The following VPS13D variants were observed in gnomAD, a reference collection of about 807,000 sequenced individuals.
VPS13D encodes vacuolar protein sorting 13 homolog D, also known as intermembrane lipid transfer protein VPS13D.
In VPS13D, 187 loss-of-function variants were observed where a neutral mutation model predicts 461.9. The observed-to-expected ratio is 0.40, with a 90% CI of 0.36 to 0.46. The LOEUF is 0.46. Among genes scored for constraint, VPS13D ranks in the 20% least tolerant of loss-of-function variants. The pLI is 0.60. For synonymous variants in VPS13D, 1,951 were observed against 1,986.3 expected, an observed-to-expected ratio of 0.98 and a Z score of 0.47; for missense variants, 4,711 against 5,364.9, an observed-to-expected ratio of 0.88 and a Z score of 3.81.
intron 52 of VPS13D, among the ~76,000 whole-genome samples, chr1:12,366,608 T>C (rs976006782): frequency 1.3e-5 from 2 of 152,160 alleles, no homozygotes; most frequent in African/African-American, 4.8e-5. Flanking sequence ...GGAGGATGAT[T>C]TGTGTAATTT....
In VPS13D at chr1:12,363,253, T is replaced by G; in HGVS notation, c.10448+6T>G. Reference sequence around the variant, plus strand: ...TCCTTCCATATCAACATGAGGTAAGTTTGAGACTCTAAATATAGACAAAAA... The same window carrying G: ...TCCTTCCATATCAACATGAGGTAAGGTTGAGACTCTAAATATAGACAAAAA... On this transcript the variant is annotated splice_donor_region_variant and intron_variant, in intron 52 of 69. Transcript: ENST00000620676. 1.2e-6 allele frequency: 2 copies of G among 1,613,894 alleles called. No individual in the cohort carries two copies. Among genetic ancestry groups the G allele is most frequent in the Middle Eastern group, 3.3e-4 (2 of 6,062 alleles).
chr1:12,426,646 C>T (rs1644927268), intron 65 of VPS13D, among the ~76,000 whole-genome samples: 1 of 152,096 alleles, frequency 6.6e-6, no homozygotes, highest in Admixed American at 6.6e-5. Flanking sequence ...CTTTCAGATG[C>T]TTAGTGACAC....
intron 65 of VPS13D, among the ~76,000 whole-genome samples, chr1:12,438,447 T>C (rs11121908): frequency 0.045 from 6,893 of 152,310 alleles, 291 homozygotes; most frequent in Admixed American, 0.12. Context: ...TTCTGCTGTT[T>C]GTAAGCCACT....
At chr1:12,343,077 T>A in intron 42 of VPS13D, 26 bp downstream of exon 42, 2 of 1,560,682 alleles carry the variant, frequency 1.3e-6, no homozygotes, top group Non-Finnish European at 8.7e-7. Flanking sequence ...TTCTTTTCTT[T>A]AAAAAAAAGA....
intron 68 of VPS13D, 112 bp downstream of exon 68, chr1:12,497,743 A>G: frequency 1.5e-6 from 2 of 1,309,618 alleles, no homozygotes; most frequent in Non-Finnish European, 2.0e-6. Context: ...TGGACCTTAG[A>G]TCTGGTCAAA....
intron 65 of VPS13D, among the ~76,000 whole-genome samples, chr1:12,438,625 C>T (rs941041045): frequency 3.3e-5 from 5 of 152,064 alleles, no homozygotes; most frequent in African/African-American, 4.8e-5. Context: ...CAGCCCTTGC[C>T]GACCACATGA....
intron 2 of VPS13D, among the ~76,000 whole-genome samples, chr1:12,238,739 G>A (rs752499538): frequency 8.6e-5 from 13 of 151,416 alleles, no homozygotes; most frequent in East Asian, 1.9e-4. Flanking sequence ...ATCCTGAAGC[G>A]ATCCTCCTGC....
At position 12,425,208 on chromosome 1, in the gene VPS13D, A is replaced by G. The variant is rs17038022; in HGVS notation, c.12333+8381A>G. Among the ~76,000 whole-genome samples the G allele has an allele frequency of 1.3e-3, 199 of 152,256 alleles. 5 individuals are homozygous for G. In the East Asian group the frequency reaches 0.024, roughly 18 times the overall value. ...TGTCTCCATCTTGAAGAAAAGCTGA[A>G]TCAAAGTTTATTCTTAGGAGAAAGA... is the stretch of plus-strand genomic sequence containing the variant. On this transcript the variant is annotated intron_variant, in intron 65 of 69. Transcript: ENST00000620676.
rs1298317957 is a variant in VPS13D, at chr1:12,363,151, A to G, written c.10352A>G (p.Asp3451Gly). The change falls in exon 52 of 70, where the codon GAT becomes GGT. Residue 3451 changes from aspartate (D) to glycine (G), a missense_variant. Around this residue, in one of 3 missense-constraint regions of VPS13D, gnomAD observed 4,411 missense variants for 4,937.8 expected, o/e 0.89. Transcript: ENST00000620676. ...TTCCACTGGCCTCGGAATGACTATG[A>G]TCAGCTATTGTGTGTCAGACTGATG... is the stretch of plus-strand genomic sequence containing the variant. ...VVFHWPRNDY[D>G]QLLCVRLMDV... 2 of 1,614,066 alleles carry G rather than the reference A, an allele frequency of 1.2e-6. No individual in the cohort carries two copies. The highest frequency in any genetic ancestry group is 1.3e-5 in the African/African-American group (1 of 74,902).
rs1641662608 is a variant in VPS13D at position 12,277,876 on chromosome 1, A to G, written c.4288A>G (p.Lys1430Glu). Reference protein sequence around the residue: ...DRLQVEIKDIKLYSLNCTQLA... With the variant: ...DRLQVEIKDIELYSLNCTQLA... ...TCTGCAGGTGGAAATCAAGGACATTAAACTGTATTCTTTGAATTGCACCCA... is the reference window on the plus strand; with the variant it reads ...TCTGCAGGTGGAAATCAAGGACATTGAACTGTATTCTTTGAATTGCACCCA... The change falls in exon 19 of 70, where the codon AAA (lysine) becomes GAA (glutamate). Residue 1430 changes from lysine (K) to glutamate (E), a missense_variant. Physicochemically the swap from Lys to Glu is moderately conservative, Grantham distance 56 (BLOSUM62 1). Transcript: ENST00000620676. The G allele has an allele frequency of 6.2e-7, 1 of 1,614,200 alleles. No individual in the cohort carries two copies. Among genetic ancestry groups the G allele is most frequent in the East Asian group, 2.2e-5 (1 of 44,876 alleles).
At chr1:12,275,593 C>T (rs754914028) in intron 18 of VPS13D, among the ~76,000 whole-genome samples, 2 of 152,096 alleles carry the variant, frequency 1.3e-5, no homozygotes, top group African/African-American at 4.8e-5. Context: ...GTCAGGGGGC[C>T]TCCAGCTTTT....
At chr1:12,416,976 G>A (rs2100238073) in intron 65 of VPS13D, 149 bp downstream of exon 65, 2 of 798,224 alleles carry the variant, frequency 2.5e-6, no homozygotes, top group Non-Finnish European at 3.7e-6. Context: ...CTCACCTCCA[G>A]TCACCTGCCA....
intron 16 of VPS13D, among the ~76,000 whole-genome samples, chr1:12,270,598 C>T (rs1275924056): frequency 6.6e-6 from 1 of 152,038 alleles, no homozygotes; most frequent in African/African-American, 2.4e-5. Context: ...AACTTAGGTA[C>T]ACTTCTCTCA....
chr1:12,250,566 G>A (rs572377375), intron 6 of VPS13D, among the ~76,000 whole-genome samples: 5 of 131,888 alleles, frequency 3.8e-5, no homozygotes, highest in South Asian at 2.4e-4. Flanking sequence ...ATTCCCTAAC[G>A]TTACTGAATG....
At position 12,507,710 on chromosome 1, in the gene VPS13D, A is replaced by G. The variant is rs1474831066; in HGVS notation, c.13035+617A>G. 6.6e-6 allele frequency among the ~76,000 whole-genome samples: 1 copy of G among 152,002 alleles called. No homozygotes were observed. The highest frequency in any genetic ancestry group is 1.5e-5 in the Non-Finnish European group (1 of 67,984). Reference sequence around the variant, plus strand: ...ACTGTGTTGCTGTCATCCCCTCCTCACTATTGGTCATAGCAGGTGATTCAT... The same window carrying G: ...ACTGTGTTGCTGTCATCCCCTCCTCGCTATTGGTCATAGCAGGTGATTCAT... On this transcript the variant is annotated intron_variant, in intron 69 of 69. Transcript: ENST00000620676. The surrounding 1 kb of genome is among the most constrained non-coding windows in gnomAD (Gnocchi z 5.3).
At chr1:12,373,025 GA>G (rs1433564983) in intron 54 of VPS13D, among the ~76,000 whole-genome samples, 2 of 149,242 alleles carry the variant, frequency 1.3e-5, no homozygotes, top group Non-Finnish European at 3.0e-5. Flanking sequence ...AAGACTTGGG[GA>G]TGCAGTGATG....
chr1:12,432,462 C>T (rs1645004636), intron 65 of VPS13D, among the ~76,000 whole-genome samples: 1 of 151,750 alleles, frequency 6.6e-6, no homozygotes. Context: ...ACAGAAGTGG[C>T]TGTTTGCTGT....
At chr1:12,329,706 T>C (rs987286368) in intron 36 of VPS13D, 123 bp from the exon 37 acceptor site, 2 of 659,456 alleles carry the variant, frequency 3.0e-6, no homozygotes, top group Admixed American at 2.8e-5. Flanking sequence ...ATGAACAAAG[T>C]ATCAGAATGT....
chr1:12,260,803 T>C lies in VPS13D; in HGVS notation c.1212+9T>C. 1 of 1,613,710 alleles carries C rather than the reference T, an allele frequency of 6.2e-7. No individual in the cohort carries two copies. The highest frequency in any genetic ancestry group is 8.5e-7 in the Non-Finnish European group (1 of 1,179,642). ...AGGAAGAACTAGCAGAGGTAAGAAA[T>C]CCTCTACAAGAGGATTTGTTCAGAC... is the stretch of plus-strand genomic sequence containing the variant. On this transcript the variant is annotated intron_variant, in intron 11 of 69. Transcript: ENST00000620676.
Sources: allele counts gnomAD v4.1 joint callset (sites outside exome capture counted in the v4.1 genomes callset), GRCh38; gene constraint gnomAD v4.1.1; regional missense constraint gnomAD v4.1.1; non-coding constraint Gnocchi (gnomAD v3.1); transcripts MANE v1.5; gene names NCBI Gene and HGNC (gene_info 2026-07-23, HGNC 2026-07-21).